The following PLXDC2 variants were observed in gnomAD, a reference collection of about 807,000 sequenced individuals.
PLXDC2 encodes plexin domain containing 2.
In PLXDC2, 40 loss-of-function variants were observed where a neutral mutation model predicts 68.9. That is an observed-to-expected ratio of 0.58 (90% confidence interval 0.45 to 0.76). PLXDC2 has a LOEUF of 0.76. PLXDC2 is among the 30% of genes least tolerant of loss of function. The pLI, the probability that PLXDC2 is intolerant of heterozygous loss-of-function variation, is 0.00. For missense variants in PLXDC2, 644 were observed against 661.9 expected (o/e 0.97, Z 0.30); for synonymous variants, 243 against 234.2 (o/e 1.04, Z -0.34).
At chr10:20,216,328 A>G (rs1835137274) in intron 10 of PLXDC2, among the ~76,000 whole-genome samples, 1 of 152,160 alleles carries the variant, frequency 6.6e-6, no homozygotes, top group South Asian at 2.1e-4. Context: ...CACTACAGAT[A>G]TAGTCCAGGG....
At chr10:20,221,496 T>C (rs1835211947) in intron 12 of PLXDC2, among the ~76,000 whole-genome samples, 1 of 151,246 alleles carries the variant, frequency 6.6e-6, no homozygotes, top group Admixed American at 6.6e-5. Context: ...AACAAAGCAC[T>C]TTTCCTGAAA....
Position 19,816,805 on chromosome 10 carries a change from C to T in PLXDC2, c.-275C>T, listed in dbSNP as rs1256137967. ...CGAGCCTCGGCTGCAAGTGGCCTCT[C>T]CTCCCCGCGGTTGTTGTTCAGTGTC... On this transcript the variant is annotated 5_prime_UTR_variant, in exon 1 of 14. Coordinates refer to ENST00000377252, the MANE Select transcript of PLXDC2 (RefSeq NM_032812.9). 1.9e-5 allele frequency: 10 copies of T among 513,778 alleles called. No individual in the cohort carries two copies. Among genetic ancestry groups the T allele is most frequent in the African/African-American group, 5.8e-5 (3 of 52,072 alleles). 31.8% of individuals were successfully genotyped at this position (513,778 alleles called of 1,614,324 possible).
intron 13 of PLXDC2, among the ~76,000 whole-genome samples, chr10:20,248,473 A>G (rs1390339461): frequency 6.6e-6 from 1 of 152,188 alleles, no homozygotes; most frequent in Non-Finnish European, 1.5e-5. Context: ...TCATAGTTCT[A>G]AGAATAACTC....
rs891480042 is a variant in PLXDC2, at chr10:19,898,409, A to G, written c.112+81218A>G. On this transcript the variant is annotated intron_variant, in intron 1 of 13. Transcript: ENST00000377252. The stretch of plus-strand genomic sequence containing the variant: ...GCTGCACTTACGAATTTTACACTAT[A>G]TAGTGTCTGGAAACGTTAAAACAGG... Among the ~76,000 whole-genome samples, 8 of 152,220 alleles carry G rather than the reference A, an allele frequency of 5.3e-5. No homozygotes were observed. In the East Asian group the frequency reaches 7.7e-4, roughly 15 times the overall value.
chr10:19,871,639 GGAGGCT>G, intron 1 of PLXDC2, among the ~76,000 whole-genome samples: 1 of 152,098 alleles, frequency 6.6e-6, no homozygotes, highest in South Asian at 2.1e-4. Flanking sequence ...CAGCACTTTG[GGAGGCT>G]GAGGCAAGTG....
intron 5 of PLXDC2, among the ~76,000 whole-genome samples, chr10:20,146,474 T>TC (rs1834080783): frequency 1.4e-5 from 2 of 147,986 alleles, no homozygotes; most frequent in Non-Finnish European, 3.0e-5. Flanking sequence ...TTCCTTTCTT[T>TC]CTTTTCTTTT....
chr10:19,937,528 T>C (rs1244841758), intron 1 of PLXDC2, among the ~76,000 whole-genome samples: 1 of 137,472 alleles, frequency 7.3e-6, no homozygotes, highest in Admixed American at 7.5e-5. Context: ...GGAATACATA[T>C]CACATTATAG....
chr10:20,081,993 C>T (rs1346308255), intron 4 of PLXDC2, among the ~76,000 whole-genome samples: 1 of 127,606 alleles, frequency 7.8e-6, no homozygotes, highest in East Asian at 2.8e-4. Context: ...TGCAGTGAGC[C>T]GAGATTGCGC....
At chr10:20,232,354 A>G (rs1164435776) in intron 12 of PLXDC2, among the ~76,000 whole-genome samples, 1 of 152,080 alleles carries the variant, frequency 6.6e-6, no homozygotes, top group African/African-American at 2.4e-5. Context: ...TTCCACTTCT[A>G]TGTATTTATT....
chr10:20,041,899 C>G (rs1835689566), intron 2 of PLXDC2, among the ~76,000 whole-genome samples: 1 of 152,112 alleles, frequency 6.6e-6, no homozygotes, highest in South Asian at 2.1e-4. Flanking sequence ...TCTCTTCTTA[C>G]AAGGACACTA....
At chr10:20,238,206 C>T (rs2681940) in intron 12 of PLXDC2, among the ~76,000 whole-genome samples, 130,615 of 149,538 alleles carry the variant, frequency 0.87, 57,480 homozygotes, top group Middle Eastern at 0.95. Flanking sequence ...TTCTTCCTTC[C>T]TTCCTCCTAT....
intron 1 of PLXDC2, among the ~76,000 whole-genome samples, chr10:19,885,300 G>T (rs1347730343): frequency 1.3e-5 from 2 of 150,200 alleles, no homozygotes; most frequent in African/African-American, 4.9e-5. Flanking sequence ...CCATTTTGTA[G>T]GTTGCCTGTT....
At chr10:20,186,005 T>C (rs1834677559) in intron 9 of PLXDC2, among the ~76,000 whole-genome samples, 1 of 151,962 alleles carries the variant, frequency 6.6e-6, no homozygotes, top group South Asian at 2.1e-4. Flanking sequence ...ACTCCTTCTT[T>C]TTGCTTATCA....
intron 1 of PLXDC2, among the ~76,000 whole-genome samples, chr10:19,888,857 T>G (rs1397458233): frequency 2.6e-5 from 4 of 152,114 alleles, no homozygotes; most frequent in South Asian, 2.1e-4. Flanking sequence ...GCAAGATGTA[T>G]TATCTGAGTA....
chr10:19,955,698 A>G (rs771003984), intron 1 of PLXDC2, among the ~76,000 whole-genome samples: 34 of 152,242 alleles, frequency 2.2e-4, no homozygotes, highest in Non-Finnish European at 4.4e-4. Flanking sequence ...GCTTAAAAAA[A>G]AAAGAAGTTG....
intron 7 of PLXDC2, among the ~76,000 whole-genome samples, chr10:20,170,194 C>CT (rs1482128102): frequency 1.3e-5 from 2 of 152,054 alleles, no homozygotes; most frequent in Admixed American, 6.6e-5. Context: ...CTAGGCACCA[C>CT]TTTTTTTCTT....
intron 4 of PLXDC2, among the ~76,000 whole-genome samples, chr10:20,100,982 G>T (rs1833414834): frequency 6.6e-6 from 1 of 152,054 alleles, no homozygotes; most frequent in Non-Finnish European, 1.5e-5. Context: ...TACTAGTTTG[G>T]TAATTTAATT....
chr10:19,863,430 G>T (rs1403102158), intron 1 of PLXDC2, among the ~76,000 whole-genome samples: 1 of 152,180 alleles, frequency 6.6e-6, no homozygotes, highest in East Asian at 1.9e-4. Context: ...TAGCTGGGCT[G>T]CAAAGAAATT....
At chr10:20,078,699 G>T (rs2131718278) in intron 4 of PLXDC2, among the ~76,000 whole-genome samples, 1 of 145,324 alleles carries the variant, frequency 6.9e-6, no homozygotes, top group African/African-American at 2.7e-5. Flanking sequence ...GAAAAATGTT[G>T]CTTATATTTC....
Sources: gnomAD v4.1 joint callset for allele counts (sites outside exome capture counted in the v4.1 genomes callset) on GRCh38, gnomAD v4.1.1 for gene constraint, MANE v1.5 for transcripts, NCBI Gene and HGNC (gene_info 2026-07-23, HGNC 2026-07-21) for gene names.